ATP11C: variants seen among roughly 807,000 people sequenced by gnomAD.
ATP11C encodes ATPase phospholipid transporting 11C (ATP11C blood group).
Under a neutral mutation model 97.4 loss-of-function variants are expected in ATP11C, and 36 were observed. The observed-to-expected ratio is 0.37, with a 90% CI of 0.28 to 0.49. The LOEUF is 0.49. Ranked by LOEUF, ATP11C falls within the 20% of genes least tolerant of loss-of-function variation. The pLI, the probability that ATP11C is intolerant of heterozygous loss-of-function variation, is 0.98. For synonymous variants in ATP11C, 275 were observed against 290.9 expected, an observed-to-expected ratio of 0.95 and a Z score of 0.56; for missense variants, 730 against 824.6, an observed-to-expected ratio of 0.89 and a Z score of 1.40.
chrX:139,911,466 A>G (rs1052022654), intron 1 of ATP11C, among the ~76,000 whole-genome samples: 5 of 112,248 alleles, frequency 4.5e-5, no homozygotes, highest in Non-Finnish European at 5.6e-5. Context: ...AAGAACTCAA[A>G]CAATAGCAAG....
intron 18 of ATP11C, among the ~76,000 whole-genome samples, chrX:139,779,978 G>A (rs2082418507): frequency 9.0e-6 from 1 of 111,084 alleles, no homozygotes; most frequent in East Asian, 2.8e-4. Context: ...TAAATTCCTG[G>A]AAACATACAA....
chrX:139,797,287 TA>T lies in ATP11C; in HGVS notation c.896del (p.Leu299TyrfsTer2). ...NAFLIVYLFI[L>X]LTKAAVCTTL... ...TAGTGCATACTGCAGCTTTGGTCAG[TA>T]AGATAAATAAATATACAATCAGGAA... On this transcript the variant is annotated frameshift_variant, in exon 11 of 30. Coordinates refer to ENST00000682941, the MANE Select transcript of ATP11C (RefSeq NM_001353812.2). LOFTEE classifies it high-confidence loss of function. 1 of 1,180,272 alleles carries T rather than the reference TA, an allele frequency of 8.5e-7. No individual in the cohort carries two copies. The highest frequency in any genetic ancestry group is 1.1e-6 in the Non-Finnish European group (1 of 874,392).
intron 1 of ATP11C, among the ~76,000 whole-genome samples, chrX:139,828,606 C>G (rs2083580392): frequency 8.9e-6 from 1 of 111,747 alleles, no homozygotes; most frequent in African/African-American, 3.3e-5. Context: ...TTGCAATTTG[C>G]AACCTTTAAT....
chrX:139,860,978 A>C (rs1215100693), intron 1 of ATP11C, among the ~76,000 whole-genome samples: 1 of 112,126 alleles, frequency 8.9e-6, no homozygotes, highest in East Asian at 2.8e-4. Flanking sequence ...TCTTTGCTCA[A>C]GTCAATAATC....
At position 139,922,577 on chromosome X, in the gene ATP11C, C is replaced by A. The variant is rs750318414; in HGVS notation, c.27+9439G>T. 4.6e-5 allele frequency among the ~76,000 whole-genome samples: 5 copies of A among 107,947 alleles called. No individual in the cohort carries two copies. In the South Asian group the frequency reaches 2.1e-3, roughly 44 times the overall value. 93.7% of individuals were successfully genotyped at this position (107,947 alleles called of 115,157 possible). On this transcript the variant is annotated intron_variant, in intron 1 of 29. Coordinates refer to ENST00000682941, the MANE Select transcript of ATP11C (RefSeq NM_001353812.2). Reference sequence around the variant, plus strand: ...AGGTGATCAGGCCATGAAGGTGGAGCCCTCATAAATGGGATTAGTGCCCTA... The same window carrying A: ...AGGTGATCAGGCCATGAAGGTGGAGACCTCATAAATGGGATTAGTGCCCTA...
At chrX:139,867,896 G>A (rs1179425485) in intron 1 of ATP11C, among the ~76,000 whole-genome samples, 1 of 111,788 alleles carries the variant, frequency 8.9e-6, no homozygotes, top group Non-Finnish European at 1.9e-5. Flanking sequence ...AACTGTTGAG[G>A]GCCTGGACCA....
upstream of ATP11C, among the ~76,000 whole-genome samples, chrX:139,934,432 AATTTAT>A (rs1271017272): frequency 9.0e-6 from 1 of 111,089 alleles, no homozygotes; most frequent in Non-Finnish European, 1.9e-5. Flanking sequence ...ATTTATGTTA[AATTTAT>A]ATTTATATTA....
intron 4 of ATP11C, among the ~76,000 whole-genome samples, chrX:139,815,709 T>A (rs2083273348): frequency 8.9e-6 from 1 of 111,797 alleles, no homozygotes; most frequent in South Asian, 3.7e-4. Flanking sequence ...TCTCCTTTTT[T>A]ATATACCTTT....
chrX:139,825,371 A>G (rs1010582030), intron 2 of ATP11C, among the ~76,000 whole-genome samples: 4 of 111,701 alleles, frequency 3.6e-5, no homozygotes, highest in Non-Finnish European at 5.6e-5. Context: ...CTACAAGTCC[A>G]CAATTCTGAA....
chrX:139,826,945 G>C, intron 1 of ATP11C, 122 bp from the exon 2 acceptor site: 1 of 700,026 alleles, frequency 1.4e-6, no homozygotes, highest in South Asian at 3.3e-5. Context: ...GTAGGGAGAG[G>C]AGAAAACCTT....
At chrX:139,805,343 C>T (rs759220026) in intron 5 of ATP11C, among the ~76,000 whole-genome samples, 5 of 111,745 alleles carry the variant, frequency 4.5e-5, no homozygotes, top group Non-Finnish European at 9.4e-5. Flanking sequence ...CCCAGCTCTG[C>T]CACTTAACTA....
chrX:139,871,408 T>A (rs1418944298), intron 1 of ATP11C, among the ~76,000 whole-genome samples: 1 of 108,583 alleles, frequency 9.2e-6, no homozygotes, highest in Non-Finnish European at 1.9e-5. Flanking sequence ...GGGGTTTCAC[T>A]ATGTTGGCCA....
At chrX:139,793,833 A>G (rs2082740397) in intron 12 of ATP11C, among the ~76,000 whole-genome samples, 1 of 111,588 alleles carries the variant, frequency 9.0e-6, no homozygotes, top group Non-Finnish European at 1.9e-5. Flanking sequence ...TTATGATCAC[A>G]TTGCTATAGT....
intron 1 of ATP11C, among the ~76,000 whole-genome samples, chrX:139,897,454 C>T (rs1342673348): frequency 9.1e-6 from 1 of 109,692 alleles, no homozygotes; most frequent in Non-Finnish European, 1.9e-5. Context: ...GAAGCCGAGG[C>T]GGGCGGACAG....
At chrX:139,821,299 A>C (rs1193740572) in intron 2 of ATP11C, among the ~76,000 whole-genome samples, 1 of 112,107 alleles carries the variant, frequency 8.9e-6, no homozygotes, top group Non-Finnish European at 1.9e-5. Context: ...GAAGGTCCAC[A>C]CTTCTTATGA....
intron 1 of ATP11C, among the ~76,000 whole-genome samples, chrX:139,900,367 C>CAAAA (rs34007097): frequency 1.1e-4 from 4 of 36,825 alleles, no homozygotes; most frequent in South Asian, 1.9e-3. Flanking sequence ...GACTCCGTCT[C>CAAAA]AAAAAAAAAA....
chrX:139,919,750 T>C (rs983592390), intron 1 of ATP11C, among the ~76,000 whole-genome samples: 1 of 109,841 alleles, frequency 9.1e-6, no homozygotes, highest in Non-Finnish European at 1.9e-5. Context: ...TGAAACCCCA[T>C]ATCTACTAAA....
At chrX:139,732,401 G>C in intron 28 of ATP11C, 1 of 336,340 alleles carries the variant, frequency 3.0e-6, no homozygotes, top group Non-Finnish European at 5.8e-6. Flanking sequence ...AAATGAGAAT[G>C]CAAGCAAGTT....
intron 20 of ATP11C, among the ~76,000 whole-genome samples, chrX:139,767,602 G>C (rs2082164360): frequency 8.9e-6 from 1 of 111,800 alleles, no homozygotes; most frequent in Non-Finnish European, 1.9e-5. Flanking sequence ...AAGACTTAAT[G>C]TCAAGAAAAA....
Sources: allele counts gnomAD v4.1 joint callset (sites outside exome capture counted in the v4.1 genomes callset), GRCh38; gene constraint gnomAD v4.1.1; transcripts MANE v1.5; gene names NCBI Gene and HGNC (gene_info 2026-07-23, HGNC 2026-07-21).